The following DUSP19 variants were observed in gnomAD, a reference collection of about 807,000 sequenced individuals.
DUSP19 encodes the protein dual specificity protein phosphatase 19.
A neutral mutation model predicts 16.6 loss-of-function variants in DUSP19; 14 were observed. The observed-to-expected ratio is 0.84, with a 90% CI of 0.56 to 1.32. The LOEUF is 1.32. Ranked by LOEUF, DUSP19 falls within the 40% of genes most tolerant of loss-of-function variation. The probability of loss-of-function intolerance (pLI) is 0.00; values close to 1 mark genes in which losing one functional copy is unlikely to be tolerated. For synonymous variants in DUSP19, 81 were observed against 90.5 expected (o/e 0.90, Z 0.59); for missense variants, 258 against 255.9 (o/e 1.01, Z -0.06).
rs1261332419 is a variant in DUSP19, at chr2:183,087,133, A to G, written c.367A>G (p.Thr123Ala). The G allele has an allele frequency of 6.2e-7, 1 of 1,613,454 alleles. No individual in the cohort carries two copies. Among genetic ancestry groups the G allele is most frequent in the Non-Finnish European group, 8.5e-7 (1 of 1,179,890 alleles). Residue 123 changes from threonine (T) to alanine (A), a missense_variant, in exon 3 of 4, where the codon ACC (threonine) becomes GCC (alanine). Thr to Ala is a moderately conservative substitution (Grantham distance 58, BLOSUM62 0). Coordinates refer to ENST00000354221, the MANE Select transcript of DUSP19 (RefSeq NM_080876.4). ...CATTTCTATATTGGATCTGCCTGAAACCAACATCCTGTCTTATTTTCCAGA... is the reference window on the plus strand; with the variant it reads ...CATTTCTATATTGGATCTGCCTGAAGCCAACATCCTGTCTTATTTTCCAGA... The part of the protein sequence containing the change: ...KSISILDLPE[T>A]NILSYFPECF...
rs1342046400 is a variant in DUSP19, at chr2:183,084,232, CA to C, written c.273+679del. Among the ~76,000 whole-genome samples, 7 of 151,978 alleles carry C rather than the reference CA, an allele frequency of 4.6e-5. No individual in the cohort carries two copies. The East Asian group carries it at 1.4e-3, about 29-fold the overall frequency. On this transcript the variant is annotated intron_variant, in intron 2 of 3. Transcript: ENST00000354221. ...TTTGTTTTTGGGGGGATAAGTGAGT[CA>C]GGGGAGACTTCCTGGAGGAAGTGAT...
intron 3 of DUSP19, among the ~76,000 whole-genome samples, chr2:183,090,112 A>G (rs939484498): frequency 3.9e-5 from 6 of 152,120 alleles, no homozygotes; most frequent in Admixed American, 1.3e-4. Flanking sequence ...AAAATTCTTG[A>G]ATTTTTTTCA....
intron 3 of DUSP19, 67 bp from the exon 4 acceptor site, chr2:183,095,364 G>T (rs1290939963): frequency 8.0e-7 from 1 of 1,254,852 alleles, no homozygotes; most frequent in Admixed American, 2.1e-5. Flanking sequence ...GTATAAGAAT[G>T]TGCAATTGAT....
Position 183,087,202 on chromosome 2 carries a change from GT to G in DUSP19, c.426+14del. 6.2e-7 allele frequency: 1 copy of G among 1,610,842 alleles called. No individual in the cohort carries two copies. Among genetic ancestry groups the G allele is most frequent in the Non-Finnish European group, 8.5e-7 (1 of 1,179,082 alleles). On this transcript the variant is annotated intron_variant, in intron 3 of 3. Transcript: ENST00000354221. ...AGAAGCAAAAAGAAAAGTGAGTTTT[GT>G]TTTGATCCATAGTTCTGCAGAAGCA...
rs557829011 is a variant in DUSP19 at position 183,095,648 on chromosome 2, A to C, written c.644A>C (p.Asn215Thr). The C allele has an allele frequency of 1.9e-6, 3 of 1,612,432 alleles. No homozygotes were observed. In the Admixed American group the frequency reaches 5.0e-5, roughly 27 times the overall value. ...AATAAGTGTGACAGAATACAGGAGA[A>C]CAGTTCATGAGTTGCATTGTAGCAG... is the stretch of plus-strand genomic sequence containing the variant. ...ESNKCDRIQE[N>T]SS Residue 215 changes from asparagine (N) to threonine (T), a missense_variant, in exon 4 of 4, where the codon AAC becomes ACC. By Grantham distance (65) the Asn-to-Thr change is moderately conservative (BLOSUM62 0). Transcript: ENST00000354221.
chr2:183,080,467 G>A (rs1192258320), intron 1 of DUSP19, among the ~76,000 whole-genome samples: 2 of 152,164 alleles, frequency 1.3e-5, no homozygotes, highest in Non-Finnish European at 2.9e-5. Context: ...CACATTTACA[G>A]TGAAAAAGTG....
chr2:183,084,549 T>A (rs1006241087), intron 2 of DUSP19, among the ~76,000 whole-genome samples: 1 of 151,814 alleles, frequency 6.6e-6, no homozygotes, highest in African/African-American at 2.4e-5. Flanking sequence ...ATAGAGAGTG[T>A]GAGAAAGAAG....
intron 3 of DUSP19, among the ~76,000 whole-genome samples, chr2:183,091,322 A>G (rs1006500507): frequency 2.6e-5 from 4 of 152,164 alleles, no homozygotes; most frequent in African/African-American, 9.7e-5. Context: ...ATAATTGGAC[A>G]AAACGCCCAT....
rs10460377 is a variant in DUSP19 at position 183,091,357 on chromosome 2, C to T, written c.427-4074C>T. ...TCAAAGCAAAGAAAGAATGAAGCAA[C>T]AAAAGAGCAAAAGCAGGGATTTATT... On this transcript the variant is annotated intron_variant, in intron 3 of 3. Coordinates refer to ENST00000354221, the MANE Select transcript of DUSP19 (RefSeq NM_080876.4). Among the ~76,000 whole-genome samples the T allele has an allele frequency of 7.6e-4, 116 of 152,122 alleles. No homozygotes were observed. In the East Asian group the frequency reaches 0.022, roughly 28 times the overall value.
chr2:183,091,223 G>A (rs1699728134), intron 3 of DUSP19, among the ~76,000 whole-genome samples: 1 of 152,110 alleles, frequency 6.6e-6, no homozygotes, highest in Admixed American at 6.6e-5. Context: ...GTCTAAATAA[G>A]TACCTAAATT....
Position 183,096,237 on chromosome 2 carries a change from C to CTTCTT in DUSP19, c.*581_*582insCTTTT, listed in dbSNP as rs1553523229. ...TATACACTTTTCATTTTGTCTTCTT[C>CTTCTT]TTTTTTTTTCTTTTTTTAGATGGAG... On this transcript the variant is annotated 3_prime_UTR_variant, in exon 4 of 4. Coordinates refer to ENST00000354221, the MANE Select transcript of DUSP19 (RefSeq NM_080876.4). 1 of 144,240 alleles carries CTTCTT rather than the reference C, an allele frequency of 6.9e-6. No individual in the cohort carries two copies. The highest frequency in any genetic ancestry group is 1.5e-5 in the Non-Finnish European group (1 of 65,580). 8.9% of individuals were successfully genotyped at this position (144,240 alleles called of 1,614,324 possible). A position where few individuals can be genotyped will look rare whatever the true frequency, so the allele number is the denominator to read the frequency against.
intron 2 of DUSP19, among the ~76,000 whole-genome samples, chr2:183,086,405 A>AT (rs1206133619): frequency 1.3e-5 from 2 of 152,210 alleles, no homozygotes; most frequent in East Asian, 3.8e-4. Flanking sequence ...TCATTCGCTT[A>AT]TAACACTAAG....
rs34201127 is a variant in DUSP19 at position 183,097,028 on chromosome 2, CTTTT to C, written c.*1381_*1384del. On this transcript the variant is annotated 3_prime_UTR_variant, in exon 4 of 4. Coordinates refer to ENST00000354221, the MANE Select transcript of DUSP19 (RefSeq NM_080876.4). ...ATTAAGACAGTTTCTTTTTTCTTTT[CTTTT>C]TTTTTTTTTTCGAGACAGGGTCTTG... 1.5e-5 allele frequency: 2 copies of C among 134,414 alleles called. No homozygotes were observed. Among genetic ancestry groups the C allele is most frequent in the Non-Finnish European group, 3.2e-5 (2 of 61,552 alleles). The allele number at this position is 134,414 out of a possible 1,614,324, so 8.3% of individuals were successfully genotyped here.
intron 3 of DUSP19, among the ~76,000 whole-genome samples, chr2:183,091,235 A>G (rs1467478627): frequency 6.6e-6 from 1 of 152,202 alleles, no homozygotes; most frequent in Non-Finnish European, 1.5e-5. Flanking sequence ...ACCTAAATTC[A>G]CGAAGTTTTT....
intron 2 of DUSP19, among the ~76,000 whole-genome samples, chr2:183,084,458 A>G (rs576758305): frequency 4.1e-4 from 62 of 152,232 alleles, no homozygotes; most frequent in African/African-American, 1.4e-3. Flanking sequence ...GTGTTCATAC[A>G]GAATAAATGA....
rs749081709 is a variant in DUSP19 at position 183,097,554 on chromosome 2, G to C, written c.*1896G>C. On this transcript the variant is annotated 3_prime_UTR_variant, in exon 4 of 4. Coordinates refer to ENST00000354221, the MANE Select transcript of DUSP19 (RefSeq NM_080876.4). ...GTTATGTTTTGAGATTGCTTACACC[G>C]TGACAAGATGCCATCACTTGTGATG... 6.6e-6 allele frequency: 1 copy of C among 152,148 alleles called. No homozygotes were observed. The highest frequency in any genetic ancestry group is 2.4e-5 in the African/African-American group (1 of 41,442). 9.4% of individuals were successfully genotyped at this position (152,148 alleles called of 1,614,324 possible).
chr2:183,092,551 T>C (rs1276606215), intron 3 of DUSP19, among the ~76,000 whole-genome samples: 1 of 152,108 alleles, frequency 6.6e-6, no homozygotes, highest in African/African-American at 2.4e-5. Context: ...TCCATCTGTG[T>C]CCCTGCAAAG....
intron 2 of DUSP19, among the ~76,000 whole-genome samples, chr2:183,086,070 G>A (rs1179002506): frequency 1.3e-5 from 2 of 151,736 alleles, no homozygotes; most frequent in African/African-American, 2.4e-5. Context: ...AGATGCAAGA[G>A]GAGGAGGTTG....
chr2:183,086,000 T>A (rs367655186), intron 2 of DUSP19, among the ~76,000 whole-genome samples: 1 of 151,650 alleles, frequency 6.6e-6, no homozygotes, highest in East Asian at 1.9e-4. Context: ...CTTAATGGAC[T>A]GTCTGCCTGG....
Sources: gnomAD v4.1 joint callset for allele counts (sites outside exome capture counted in the v4.1 genomes callset) on GRCh38, gnomAD v4.1.1 for gene constraint, MANE v1.5 for transcripts, NCBI Gene and HGNC (gene_info 2026-07-23, HGNC 2026-07-21) for gene names.